LRBA: variants seen among roughly 807,000 people sequenced by gnomAD.
The protein encoded by LRBA is LPS responsive beige-like anchor protein.
A neutral mutation model predicts 330.0 loss-of-function variants in LRBA; 176 were observed. That is an observed-to-expected ratio of 0.53 (90% CI 0.47 to 0.60). The LOEUF is 0.60. Ranked by LOEUF, LRBA falls within the 20% of genes least tolerant of loss-of-function variation. The pLI is 0.00. For synonymous variants in LRBA, 1,230 were observed against 1,193.0 expected (o/e 1.03, Z -0.64); for missense variants, 3,259 against 3,444.8 (o/e 0.95, Z 1.35).
chr4:150,443,640 C>T (rs1049396612), intron 44 of LRBA, among the ~76,000 whole-genome samples: 12 of 151,482 alleles, frequency 7.9e-5, no homozygotes, highest in Admixed American at 2.6e-4. Context: ...AGGTGGGAAC[C>T]GAACAATGAG....
At chr4:150,778,771 G>A (rs768989950) in intron 34 of LRBA, among the ~76,000 whole-genome samples, 3 of 152,098 alleles carry the variant, frequency 2.0e-5, no homozygotes, top group Non-Finnish European at 4.4e-5. Context: ...ATTAGTACAC[G>A]GTCAGTCTGT....
At chr4:150,548,363 A>G (rs1766105952) in intron 40 of LRBA, among the ~76,000 whole-genome samples, 1 of 152,166 alleles carries the variant, frequency 6.6e-6, no homozygotes, top group Non-Finnish European at 1.5e-5. Context: ...GCTCATACTC[A>G]GTTATTCTCT....
At chr4:150,837,618 GCC>G (rs1195830544) in intron 28 of LRBA, among the ~76,000 whole-genome samples, 2 of 152,086 alleles carry the variant, frequency 1.3e-5, no homozygotes, top group Non-Finnish European at 2.9e-5. Context: ...TGCAACCCCT[GCC>G]TTTTTTTGTT....
intron 36 of LRBA, among the ~76,000 whole-genome samples, chr4:150,730,672 G>A (rs1166178324): frequency 2.1e-5 from 3 of 141,088 alleles, no homozygotes; most frequent in Admixed American, 1.4e-4. Flanking sequence ...GACAGAGTGA[G>A]GCTCTGAAAA....
At chr4:150,562,029 T>C (rs1768413465) in intron 40 of LRBA, among the ~76,000 whole-genome samples, 1 of 152,180 alleles carries the variant, frequency 6.6e-6, no homozygotes, top group South Asian at 2.1e-4. Context: ...CTGTGCTCTC[T>C]CTACCCTCAG....
intron 22 of LRBA, among the ~76,000 whole-genome samples, chr4:150,865,895 T>C (rs1752618756): frequency 6.6e-6 from 1 of 152,008 alleles, no homozygotes; most frequent in African/African-American, 2.4e-5. Flanking sequence ...TTTGTATTTT[T>C]AGTAGAGATG....
rs551468517 is a variant in LRBA at position 150,625,632 on chromosome 4, A to G, written c.5922-26501T>C. Among the ~76,000 whole-genome samples, 8 of 151,548 alleles carry G rather than the reference A, an allele frequency of 5.3e-5. No homozygotes were observed. The South Asian group carries it at 1.7e-3, about 31-fold the overall frequency. ...GCATTAGATTTACCTGGGAAGCTTT[A>G]TAAAAATATTCATGCCCAATCAGCA... On this transcript the variant is annotated intron_variant, in intron 37 of 56. Transcript: ENST00000651943.
intron 41 of LRBA, 72 bp downstream of exon 41, chr4:150,490,846 G>A: frequency 1.3e-6 from 1 of 783,596 alleles, no homozygotes; most frequent in Non-Finnish European, 2.1e-6. Context: ...GAAGCAATAT[G>A]GTATGTTCAA....
intron 56 of LRBA, among the ~76,000 whole-genome samples, chr4:150,271,402 G>A (rs1746078130): frequency 6.6e-6 from 1 of 151,986 alleles, no homozygotes. Flanking sequence ...TGAAGCCAGG[G>A]AGCCAAGTGG....
intron 20 of LRBA, 30 bp downstream of exon 20, chr4:150,870,495 A>C (rs1269697123): frequency 1.7e-6 from 2 of 1,153,372 alleles, no homozygotes; most frequent in East Asian, 2.3e-5. Context: ...AGCAAAAGGT[A>C]GTTTTTGTTA....
rs556087424 is a variant in LRBA at position 150,609,847 on chromosome 4, T to C, written c.5922-10716A>G. On this transcript the variant is annotated intron_variant, in intron 37 of 56. Coordinates refer to ENST00000651943, the MANE Select transcript of LRBA (RefSeq NM_001364905.1). ...GAATTCAAAGAAGCTGAAGATGGCA[T>C]TGGGGGTAGGAGGTGGGTAGCAGGA... Among the ~76,000 whole-genome samples, 17 of 152,166 alleles carry C rather than the reference T, an allele frequency of 1.1e-4. No individual in the cohort carries two copies. In the East Asian group the frequency reaches 3.1e-3, roughly 28 times the overall value.
chr4:150,830,757 CTTTTTTTTTTTT>C (rs57178610), intron 29 of LRBA, among the ~76,000 whole-genome samples: 3 of 81,988 alleles, frequency 3.7e-5, no homozygotes, highest in African/African-American at 8.6e-5. Context: ...TACAGAGTTA[CTTTTTTTTTTTT>C]TTTTTTTTTT....
intron 44 of LRBA, among the ~76,000 whole-genome samples, chr4:150,463,115 A>T (rs1754988687): frequency 6.6e-6 from 1 of 152,000 alleles, no homozygotes; most frequent in Non-Finnish European, 1.5e-5. Context: ...AATGCAGTTG[A>T]TTCCAAACTC....
intron 36 of LRBA, among the ~76,000 whole-genome samples, chr4:150,690,079 T>A (rs550884528): frequency 3.9e-5 from 6 of 152,090 alleles, no homozygotes; most frequent in Non-Finnish European, 5.9e-5. Context: ...AATTTATGTA[T>A]ACAAAATATA....
chr4:150,733,018 G>C (rs1404475039), intron 36 of LRBA, among the ~76,000 whole-genome samples: 1 of 151,880 alleles, frequency 6.6e-6, no homozygotes, highest in Non-Finnish European at 1.5e-5. Context: ...CACATTAACT[G>C]AATATTTAAA....
chr4:150,837,857 T>C (rs1748390507), intron 28 of LRBA, among the ~76,000 whole-genome samples: 1 of 152,216 alleles, frequency 6.6e-6, no homozygotes, highest in Non-Finnish European at 1.5e-5. Context: ...GTTATTTTGC[T>C]CATTAGTTGA....
intron 36 of LRBA, among the ~76,000 whole-genome samples, chr4:150,726,641 A>T (rs115065761): frequency 1.3e-5 from 2 of 152,132 alleles, no homozygotes; most frequent in African/African-American, 4.8e-5. Context: ...GAAAGAGAAG[A>T]GTGAAGGAGG....
intron 2 of LRBA, chr4:150,970,558 C>CGTGTGTGTGT (rs886585528): frequency 1.8e-3 from 18 of 9,982 alleles, no homozygotes; most frequent in African/African-American, 3.6e-3. Context: ...TGTGTGTGTA[C>CGTGTGTGTGT]ACACACACAC....
At chr4:150,350,586 G>C (rs1369566434) in intron 47 of LRBA, among the ~76,000 whole-genome samples, 2 of 146,676 alleles carry the variant, frequency 1.4e-5, no homozygotes, top group Admixed American at 1.4e-4. Flanking sequence ...AAAAAAGAAA[G>C]AAACTTATCT....
Sources: allele counts gnomAD v4.1 joint callset (sites outside exome capture counted in the v4.1 genomes callset), GRCh38; gene constraint gnomAD v4.1.1; transcripts MANE v1.5; gene names NCBI Gene and HGNC (gene_info 2026-07-23, HGNC 2026-07-21).